The following SLC1A2 variants were observed in gnomAD, a reference collection of about 807,000 sequenced individuals.
The protein encoded by SLC1A2 is solute carrier family 1 member 2.
In SLC1A2, 15 loss-of-function variants were observed where a neutral mutation model predicts 48.8. That is an observed-to-expected ratio of 0.31 (90% confidence interval 0.21 to 0.47). The LOEUF (loss-of-function observed/expected upper bound fraction) is 0.47. Among genes scored for constraint, SLC1A2 ranks in the 20% least tolerant of loss-of-function variants. The probability of loss-of-function intolerance (pLI) is 0.99; values close to 1 mark genes in which losing one functional copy is unlikely to be tolerated. For missense variants in SLC1A2, 502 were observed against 730.5 expected (o/e 0.69, Z 3.61); for synonymous variants, 279 against 272.6 (o/e 1.02, Z -0.23).
At position 35,318,561 on chromosome 11, in the gene SLC1A2, T is replaced by C. The variant is rs1410489946; in HGVS notation, c.18-1045A>G. 2.6e-5 allele frequency among the ~76,000 whole-genome samples: 4 copies of C among 152,116 alleles called. No individual in the cohort carries two copies. The East Asian group carries it at 7.7e-4, about 29-fold the overall frequency. ...GTCTTGTCATAGACTGGAGAAAACTTCCTTTGGAACCAACACCGAGCTGCA... is the reference window on the plus strand; with the variant it reads ...GTCTTGTCATAGACTGGAGAAAACTCCCTTTGGAACCAACACCGAGCTGCA... On this transcript the variant is annotated intron_variant, in intron 1 of 10. Coordinates refer to ENST00000278379, the MANE Select transcript of SLC1A2 (RefSeq NM_004171.4).
At chr11:35,326,015 T>C (rs902419081) in intron 1 of SLC1A2, among the ~76,000 whole-genome samples, 2 of 142,526 alleles carry the variant, frequency 1.4e-5, no homozygotes, top group African/African-American at 2.6e-5. Flanking sequence ...GGAAAACCAG[T>C]GTGTAGCAGA....
chr11:35,284,121 T>TTTG (rs1221507332), intron 8 of SLC1A2, among the ~76,000 whole-genome samples: 1 of 107,206 alleles, frequency 9.3e-6, no homozygotes, highest in African/African-American at 3.6e-5. Flanking sequence ...AAATTATTAT[T>TTTG]TTGCAACCCA....
intron 1 of SLC1A2, among the ~76,000 whole-genome samples, chr11:35,359,852 G>A (rs1234800417): frequency 6.6e-6 from 1 of 152,180 alleles, no homozygotes; most frequent in African/African-American, 2.4e-5. Flanking sequence ...TCACAGGAGC[G>A]AAATCACATT....
chr11:35,274,481 T>C (rs994654924), intron 9 of SLC1A2, among the ~76,000 whole-genome samples: 4 of 152,176 alleles, frequency 2.6e-5, no homozygotes, highest in Non-Finnish European at 5.9e-5. Context: ...CATAAGCCCC[T>C]AAAATCTTCA....
chr11:35,360,399 C>A (rs1324851019), intron 1 of SLC1A2, among the ~76,000 whole-genome samples: 2 of 152,158 alleles, frequency 1.3e-5, no homozygotes, highest in African/African-American at 2.4e-5. Flanking sequence ...TGTGGGTAAG[C>A]CCCTGAGCCT....
intron 3 of SLC1A2, among the ~76,000 whole-genome samples, chr11:35,313,122 G>A (rs974106746): frequency 6.6e-6 from 1 of 152,064 alleles, no homozygotes; most frequent in Admixed American, 6.5e-5. Context: ...TTTATGAAGC[G>A]ATGCTGCTGG....
upstream of SLC1A2, among the ~76,000 whole-genome samples, chr11:35,420,290 A>T (rs1184298478): frequency 1.3e-5 from 2 of 151,822 alleles, no homozygotes; most frequent in Non-Finnish European, 2.9e-5. Flanking sequence ...GGCGGCGCAC[A>T]GAGACAGATG....
intron 3 of SLC1A2, among the ~76,000 whole-genome samples, chr11:35,312,850 G>A (rs1851751755): frequency 6.6e-6 from 1 of 152,030 alleles, no homozygotes; most frequent in South Asian, 2.1e-4. Flanking sequence ...GCACATGTGG[G>A]ACTCACAGAT....
chr11:35,352,762 G>A (rs973720734), intron 1 of SLC1A2, among the ~76,000 whole-genome samples: 3 of 152,202 alleles, frequency 2.0e-5, no homozygotes, highest in Non-Finnish European at 4.4e-5. Context: ...TTGGCAGTGA[G>A]TTCATGCATG....
At chr11:35,265,898 T>A in intron 9 of SLC1A2, 140 bp from the exon 10 acceptor site, 1 of 608,588 alleles carries the variant, frequency 1.6e-6, no homozygotes, top group Non-Finnish European at 2.9e-6. Context: ...GCAAGTTACT[T>A]AACTTTCATG....
chr11:35,313,025 TA>T (rs1485286704), intron 3 of SLC1A2, among the ~76,000 whole-genome samples: 1 of 152,254 alleles, frequency 6.6e-6, no homozygotes, highest in Non-Finnish European at 1.5e-5. Context: ...AATAATGAGT[TA>T]AAATAAAGTT....
intron 2 of SLC1A2, chr11:35,317,147 AG>A: frequency 2.0e-6 from 1 of 507,414 alleles, no homozygotes; most frequent in Non-Finnish European, 3.5e-6. Flanking sequence ...CACTCTCACA[AG>A]ATATTTATTT....
At position 35,256,223 on chromosome 11, in the gene SLC1A2, T is replaced by G. The variant is rs1950312814; in HGVS notation, c.*4671A>C. On this transcript the variant is annotated 3_prime_UTR_variant, in exon 11 of 11. Transcript: ENST00000278379. ...TTGTTTCTTATCATCTCTATGTCAT[T>G]GCCTGAATTAGCTGTGTTATGCTAC... 1 of 152,244 alleles carries G rather than the reference T, an allele frequency of 6.6e-6. No individual in the cohort carries two copies. The allele number at this position is 152,244 out of a possible 1,614,324, so 9.4% of individuals were successfully genotyped here.
chr11:35,254,681 C>T lies in SLC1A2; in HGVS notation c.*6213G>A. On this transcript the variant is annotated 3_prime_UTR_variant, in exon 11 of 11. Coordinates refer to ENST00000278379, the MANE Select transcript of SLC1A2 (RefSeq NM_004171.4). ...TCAGTTGTCAGGTTTCAACACTCAC[C>T]CAAGGATTGGGGGTGTCTCCAGAGA... 2.3e-6 allele frequency: 1 copy of T among 425,932 alleles called. No individual in the cohort carries two copies. The highest frequency in any genetic ancestry group is 1.7e-5 in the South Asian group (1 of 58,956). The allele number at this position is 425,932 out of a possible 1,614,324, so 26.4% of individuals were successfully genotyped here. A position where few individuals can be genotyped will look rare whatever the true frequency, so the allele number is the denominator to read the frequency against.
rs1852252556 is a variant in SLC1A2 at position 35,326,351 on chromosome 11, G to T, written c.18-8835C>A. Among the ~76,000 whole-genome samples, 3 of 152,194 alleles carry T rather than the reference G, an allele frequency of 2.0e-5. No individual in the cohort carries two copies. The South Asian group carries it at 6.2e-4, about 32-fold the overall frequency. ...TGGAACCCTGAGCTTGAGGTTAAAA[G>T]AGCTCAGGATTTGGCCCTCAGGCCT... is the stretch of plus-strand genomic sequence containing the variant. On this transcript the variant is annotated intron_variant, in intron 1 of 10. Transcript: ENST00000278379.
At chr11:35,376,537 T>A (rs1156863521) in intron 1 of SLC1A2, among the ~76,000 whole-genome samples, 1 of 152,170 alleles carries the variant, frequency 6.6e-6, no homozygotes, top group Non-Finnish European at 1.5e-5. Flanking sequence ...TTTTTAAAAA[T>A]TTTCAAAAGA....
intron 7 of SLC1A2, 33 bp downstream of exon 7, chr11:35,292,254 G>A: frequency 1.3e-6 from 2 of 1,481,694 alleles, no homozygotes; most frequent in Non-Finnish European, 9.4e-7. Flanking sequence ...AAAAGAGTGA[G>A]CAAAGAGAAA....
At chr11:35,272,866 G>A (rs971525338) in intron 9 of SLC1A2, among the ~76,000 whole-genome samples, 2 of 152,102 alleles carry the variant, frequency 1.3e-5, no homozygotes, top group African/African-American at 4.8e-5. Flanking sequence ...AATGAGAGAG[G>A]GGCTTGACCG....
intron 9 of SLC1A2, among the ~76,000 whole-genome samples, chr11:35,271,812 C>T (rs1850288365): frequency 6.6e-6 from 1 of 152,164 alleles, no homozygotes; most frequent in African/African-American, 2.4e-5. Context: ...CACTGCACTC[C>T]AGCCTGGGCA....
Sources: gnomAD v4.1 joint callset for allele counts (sites outside exome capture counted in the v4.1 genomes callset) on GRCh38, gnomAD v4.1.1 for gene constraint, MANE v1.5 for transcripts, NCBI Gene and HGNC (gene_info 2026-07-23, HGNC 2026-07-21) for gene names.